ARHGEF5: variants seen among roughly 807,000 people sequenced by gnomAD.
The protein encoded by ARHGEF5 is Rho guanine nucleotide exchange factor (GEF) 5.
In ARHGEF5, 11 loss-of-function variants were observed where a neutral mutation model predicts 104.0. The observed-to-expected ratio is 0.11, with a 90% CI of 0.07 to 0.18. The LOEUF is 0.18. Ranked by LOEUF, ARHGEF5 falls within the 10% of genes least tolerant of loss-of-function variation. The probability of loss-of-function intolerance (pLI) is 1.00; values close to 1 mark genes in which losing one functional copy is unlikely to be tolerated. For missense variants in ARHGEF5, 165 were observed against 1,335.4 expected (o/e 0.12, Z 13.66); for synonymous variants, 60 against 512.2 (o/e 0.12, Z 11.92).
chr7:144,370,866 C>A lies in ARHGEF5; in HGVS notation c.3532-295C>A, dbSNP rs796311586. ...TAGTAACAGAATTACCCTAGTGAAGCAAATTAACATATCCATCTCACTTTG... is the reference window on the plus strand; with the variant it reads ...TAGTAACAGAATTACCCTAGTGAAGAAAATTAACATATCCATCTCACTTTG... On this transcript the variant is annotated intron_variant, in intron 5 of 14. Coordinates refer to ENST00000056217, the MANE Select transcript of ARHGEF5 (RefSeq NM_005435.4). Among the ~76,000 whole-genome samples the A allele has an allele frequency of 1.0e-4, 15 of 144,968 alleles. No individual in the cohort carries two copies. The South Asian group carries it at 3.3e-3, about 32-fold the overall frequency.
chr7:144,370,870 T>A (rs2053718290), intron 5 of ARHGEF5, among the ~76,000 whole-genome samples: 1 of 145,480 alleles, frequency 6.9e-6, no homozygotes, highest in African/African-American at 2.6e-5. Flanking sequence ...GTGAAGCAAA[T>A]TAACATATCC....
intron 1 of ARHGEF5, among the ~76,000 whole-genome samples, chr7:144,358,817 T>C (rs533543215): frequency 5.2e-5 from 7 of 133,808 alleles, no homozygotes; most frequent in African/African-American, 1.9e-4. Context: ...ACACAGTGGC[T>C]AAGCAGGACA....
In ARHGEF5 at chr7:144,377,677, A is replaced by C. The variant is rs567226121; in HGVS notation, c.4531+487A>C. On this transcript the variant is annotated intron_variant, in intron 13 of 14. Coordinates refer to ENST00000056217, the MANE Select transcript of ARHGEF5 (RefSeq NM_005435.4). ...TATGTATGTGTCTGTGTTCACACCAAGACTGGACTTCTTATGCCTCTCATG... is the reference window on the plus strand; with the variant it reads ...TATGTATGTGTCTGTGTTCACACCACGACTGGACTTCTTATGCCTCTCATG... Among the ~76,000 whole-genome samples the C allele has an allele frequency of 2.6e-5, 4 of 152,280 alleles. No individual in the cohort carries two copies. The East Asian group carries it at 7.7e-4, about 29-fold the overall frequency.
chr7:144,378,880 T>C lies in ARHGEF5; in HGVS notation c.4636+14T>C. The C allele has an allele frequency of 1.9e-6, 3 of 1,611,428 alleles. No individual in the cohort carries two copies. Among genetic ancestry groups the C allele is most frequent in the Admixed American group, 1.7e-5 (1 of 59,994 alleles). The stretch of plus-strand genomic sequence containing the variant: ...AGAGCAGTGACGGTAAGCGGGAGCA[T>C]GCGTGAGCAGCAGGCCAGGCACTGC... On this transcript the variant is annotated intron_variant, in intron 14 of 14. Transcript: ENST00000056217.
At position 144,380,149 on chromosome 7, in the gene ARHGEF5, G is replaced by A; in HGVS notation, c.*93G>A. 6.7e-7 allele frequency: 1 copy of A among 1,494,392 alleles called. No individual in the cohort carries two copies. Among genetic ancestry groups the A allele is most frequent in the Admixed American group, 1.8e-5 (1 of 55,792 alleles). 92.6% of individuals were successfully genotyped at this position (1,494,392 alleles called of 1,614,324 possible). ...CCTGCAAGAGAGGCCTTCTGTGGAT[G>A]GAGAACTAGGCCTTCTCAAAGCTCA... is the stretch of plus-strand genomic sequence containing the variant. On this transcript the variant is annotated 3_prime_UTR_variant, in exon 15 of 15. Transcript: ENST00000056217.
rs1376013383 is a variant in ARHGEF5, at chr7:144,379,258, T to G, written c.4636+392T>G. Among the ~76,000 whole-genome samples, 4 of 152,114 alleles carry G rather than the reference T, an allele frequency of 2.6e-5. No individual in the cohort carries two copies. In the East Asian group the frequency reaches 7.7e-4, roughly 29 times the overall value. On this transcript the variant is annotated intron_variant, in intron 14 of 14. Transcript: ENST00000056217. ...TTTTTGAGACAGAGTCTTGCTCTGTTGCCCAGGCTGGAGTGCAGTGGCGCA... is the reference window on the plus strand; with the variant it reads ...TTTTTGAGACAGAGTCTTGCTCTGTGGCCCAGGCTGGAGTGCAGTGGCGCA...
intron 14 of ARHGEF5, among the ~76,000 whole-genome samples, chr7:144,379,606 G>A (rs554255741): frequency 1.3e-3 from 191 of 152,250 alleles, no homozygotes; most frequent in African/African-American, 4.5e-3. Flanking sequence ...TATATTTGTG[G>A]CAACCTCATT....
At chr7:144,361,790 A>C (rs1298063480) in intron 1 of ARHGEF5, among the ~76,000 whole-genome samples, 1 of 145,402 alleles carries the variant, frequency 6.9e-6, no homozygotes, top group African/African-American at 2.5e-5. Context: ...GGAAGTGAGA[A>C]GAAAGGCAGG....
Position 144,380,523 on chromosome 7 carries a change from T to C in ARHGEF5, c.*467T>C, listed in dbSNP as rs700259. The C allele has an allele frequency of 0.62, 95,291 of 154,382 alleles. 29,627 individuals are homozygous for C. Among genetic ancestry groups the C allele is most frequent in the East Asian group, 0.78 (4,065 of 5,224 alleles). The allele number at this position is 154,382 out of a possible 1,614,324, so 9.6% of individuals were successfully genotyped here. A position where few individuals can be genotyped will look rare whatever the true frequency, so the allele number is the denominator to read the frequency against. On this transcript the variant is annotated 3_prime_UTR_variant, in exon 15 of 15. Transcript: ENST00000056217. The stretch of plus-strand genomic sequence containing the variant: ...TCTAAGGTATCTTCTAACCTAGAAA[T>C]TCACCATAATTATGGTGCAAGGTCA...
intron 14 of ARHGEF5, 97 bp downstream of exon 14, chr7:144,378,963 TG>T: frequency 8.3e-7 from 1 of 1,201,562 alleles, no homozygotes; most frequent in Non-Finnish European, 1.2e-6. Flanking sequence ...CAAAGTACCA[TG>T]GACTGGGTGG....
At chr7:144,373,167 C>G (rs1232630748) in intron 9 of ARHGEF5, 28 bp from the exon 10 acceptor site, 1 of 1,159,874 alleles carries the variant, frequency 8.6e-7, no homozygotes, top group African/African-American at 1.8e-5. Flanking sequence ...CAGTGCCCTT[C>G]CCCTTTCCTC....
intron 10 of ARHGEF5, among the ~76,000 whole-genome samples, chr7:144,373,757 G>T (rs868317661): frequency 0.061 from 7,213 of 117,810 alleles, 11 homozygotes; most frequent in African/African-American, 0.12. Flanking sequence ...CATAAGATTG[G>T]ATCCAAATTT....
rs368819603 is a variant in ARHGEF5, at chr7:144,373,210, A to C, written c.4066A>C (p.Asn1356His). The stretch of plus-strand genomic sequence containing the variant: ...GCACCCCTAGCTGATCCGGGACTGC[A>C]ATAACAATGTCCAGAGTATGCGACG... ...HALEQLIRDC[N>H]NNVQSMRRTE... Residue 1356 changes from asparagine (N) to histidine (H), a missense_variant, in exon 10 of 15, where the codon AAT (asparagine) becomes CAT (histidine). Transcript: ENST00000056217. 5 of 1,448,408 alleles carry C rather than the reference A, an allele frequency of 3.5e-6. 1 individual carries two copies. Among genetic ancestry groups the C allele is most frequent in the Non-Finnish European group, 2.8e-6 (3 of 1,062,168 alleles). The allele number at this position is 1,448,408 out of a possible 1,614,324, so 89.7% of individuals were successfully genotyped here.
intron 13 of ARHGEF5, among the ~76,000 whole-genome samples, chr7:144,377,452 A>T (rs1029975782): frequency 3.3e-5 from 5 of 152,232 alleles, no homozygotes; most frequent in Non-Finnish European, 7.3e-5. Flanking sequence ...TTGTCCCCTT[A>T]AGTCTAAGCT....
intron 1 of ARHGEF5, among the ~76,000 whole-genome samples, chr7:144,361,529 T>A (rs1420468598): frequency 7.5e-6 from 1 of 132,906 alleles, no homozygotes; most frequent in Non-Finnish European, 1.7e-5. Flanking sequence ...ATGAGAAGAA[T>A]GTGGGAATGC....
intron 1 of ARHGEF5, among the ~76,000 whole-genome samples, chr7:144,357,246 G>C (rs1212147550): frequency 1.1e-5 from 1 of 92,094 alleles, no homozygotes; most frequent in Non-Finnish European, 2.1e-5. Context: ...CCACAGATGA[G>C]ATTGTAGAGT....
At chr7:144,357,755 C>T (rs1424442850) in intron 1 of ARHGEF5, among the ~76,000 whole-genome samples, 1 of 151,814 alleles carries the variant, frequency 6.6e-6, no homozygotes, top group Non-Finnish European at 1.5e-5. Context: ...ATAGTGAGCT[C>T]TGTCACACAT....
In ARHGEF5 at chr7:144,365,056, AC is replaced by A; in HGVS notation, c.2388del (p.Asp796GlufsTer50). 2 of 1,139,324 alleles carry A rather than the reference AC, an allele frequency of 1.8e-6. No individual in the cohort carries two copies. The highest frequency in any genetic ancestry group is 2.8e-5 in the South Asian group (2 of 70,294). The allele number at this position is 1,139,324 out of a possible 1,614,324, so 70.6% of individuals were successfully genotyped here. ...RQHRPLPSTP[D>X]SSHHAQATPR... ...CACCGACCTCTGCCATCTACCCCAG[AC>A]AGCTCCCACCATGCTCAGGCCACCC... On this transcript the variant is annotated frameshift_variant, in exon 2 of 15. Coordinates refer to ENST00000056217, the MANE Select transcript of ARHGEF5 (RefSeq NM_005435.4). LOFTEE classifies it high-confidence loss of function.
Position 144,379,915 on chromosome 7 carries a change from G to A in ARHGEF5, c.4653G>A (p.Val1551=). ...QQSSDGWLEG[V]RLSDGERGWF... ...TGCCCACAGGCTGGCTGGAGGGCGT[G>A]AGGCTCTCAGACGGGGAGCGAGGCT... Residue 1551 remains valine (V), a synonymous_variant, in exon 15 of 15, where the codon GTG becomes GTA. Transcript: ENST00000056217. 1 of 1,614,200 alleles carries A rather than the reference G, an allele frequency of 6.2e-7. No individual in the cohort carries two copies. Among genetic ancestry groups the A allele is most frequent in the Non-Finnish European group, 8.5e-7 (1 of 1,180,032 alleles).
Sources: gnomAD v4.1 joint callset for allele counts (sites outside exome capture counted in the v4.1 genomes callset) on GRCh38, gnomAD v4.1.1 for gene constraint, MANE v1.5 for transcripts, NCBI Gene and HGNC (gene_info 2026-07-23, HGNC 2026-07-21) for gene names.